Variants in PCDH9 observed in about 807,000 individuals in gnomAD.
The protein encoded by PCDH9 is protocadherin-9.
A neutral mutation model predicts 70.6 loss-of-function variants in PCDH9; 24 were observed. The observed-to-expected ratio is 0.34, with a 90% confidence interval of 0.25 to 0.48. PCDH9 has a LOEUF of 0.48. PCDH9 is among the 20% of genes least tolerant of loss of function. The pLI, the probability that PCDH9 is intolerant of heterozygous loss-of-function variation, is 0.99. For synonymous variants in PCDH9, 562 were observed against 558.5 expected, an observed-to-expected ratio of 1.01 and a Z score of -0.09; for missense variants, 1,281 against 1,503.6, an observed-to-expected ratio of 0.85 and a Z score of 2.45.
At position 67,225,832 on chromosome 13, in the gene PCDH9, T is replaced by C; in HGVS notation, c.2609A>G (p.Lys870Arg). The C allele has an allele frequency of 6.2e-7, 1 of 1,614,162 alleles. No individual in the cohort carries two copies. The highest frequency in any genetic ancestry group is 8.5e-7 in the Non-Finnish European group (1 of 1,180,040). Residue 870 changes from lysine to arginine, a missense_variant, in exon 2 of 5, where the codon AAA becomes AGA. Around this residue, in one of 4 missense-constraint regions of PCDH9, gnomAD observed 207 missense variants for 191.8 expected, o/e 1.08. Transcript: ENST00000377865. Reference protein sequence around the residue: ...NQENKQNKKKKRKKRKSPKSS... With the variant: ...NQENKQNKKKRRKKRKSPKSS... Reference sequence around the variant, plus strand: ...TTTGGGAGACTTCCTTTTCTTTCTTTTCTTTTTCTTGTTTTGCTTGTTCTC... The same window carrying C: ...TTTGGGAGACTTCCTTTTCTTTCTTCTCTTTTTCTTGTTTTGCTTGTTCTC...
At chr13:66,781,912 A>G (rs2080004705) in intron 3 of PCDH9, among the ~76,000 whole-genome samples, 1 of 152,098 alleles carries the variant, frequency 6.6e-6, no homozygotes, top group Non-Finnish European at 1.5e-5. Flanking sequence ...AGGCACTCTG[A>G]AAATCTGCCC....
chr13:66,419,653 A>G (rs1854002229), intron 4 of PCDH9, among the ~76,000 whole-genome samples: 1 of 152,080 alleles, frequency 6.6e-6, no homozygotes, highest in South Asian at 2.1e-4. Context: ...TGGTTTTTGC[A>G]ACCCATAGAC....
At chr13:66,687,618 T>C (rs1285096723) in intron 3 of PCDH9, among the ~76,000 whole-genome samples, 1 of 152,172 alleles carries the variant, frequency 6.6e-6, no homozygotes, top group Non-Finnish European at 1.5e-5. Context: ...TCTAAAACTT[T>C]AGTGCCTGCT....
chr13:66,355,760 C>G (rs1039431573), intron 4 of PCDH9, among the ~76,000 whole-genome samples: 2 of 152,124 alleles, frequency 1.3e-5, no homozygotes, highest in African/African-American at 4.8e-5. Context: ...TCACAGGGGC[C>G]TAACTTTGTA....
chr13:66,561,852 A>G (rs1962056186), intron 4 of PCDH9, among the ~76,000 whole-genome samples: 1 of 152,150 alleles, frequency 6.6e-6, no homozygotes. Flanking sequence ...CCGAGTCAGC[A>G]GTGGCAACCC....
chr13:66,975,872 AG>A (rs1222204590), intron 2 of PCDH9, among the ~76,000 whole-genome samples: 2 of 152,078 alleles, frequency 1.3e-5, no homozygotes, highest in African/African-American at 4.8e-5. Flanking sequence ...CCCCTCCAAG[AG>A]GAACTTTACA....
intron 3 of PCDH9, among the ~76,000 whole-genome samples, chr13:66,697,821 ATAC>A (rs1566512235): frequency 6.6e-6 from 1 of 152,226 alleles, no homozygotes; most frequent in Non-Finnish European, 1.5e-5. Context: ...AGCTATTTGT[ATAC>A]TACTGTTCAT....
At chr13:66,321,930 C>T (rs777393070) in intron 4 of PCDH9, among the ~76,000 whole-genome samples, 1 of 151,744 alleles carries the variant, frequency 6.6e-6, no homozygotes, top group Non-Finnish European at 1.5e-5. Context: ...TGCCAATGGA[C>T]TAGAATATTC....
rs199791250 is a variant in PCDH9, at chr13:66,932,659, C to CATATATATATATATATATAT, written c.3037-29074_3037-29055dup. ...CTAGGCTTAAATGTGTAAATCCTCA[C>CATATATATATATATATATAT]ATATATATATATATATATATATACA... On this transcript the variant is annotated intron_variant, in intron 2 of 4. Transcript: ENST00000377865. 6.6e-3 allele frequency among the ~76,000 whole-genome samples: 864 copies of CATATATATATATATATATAT among 130,074 alleles called. 5 individuals carry two copies. Among genetic ancestry groups the CATATATATATATATATATAT allele is most frequent in the African/African-American group, 0.01 (320 of 30,996 alleles). The allele number at this position is 130,074 out of a possible 152,430, so 85.3% of individuals were successfully genotyped here.
intron 2 of PCDH9, among the ~76,000 whole-genome samples, chr13:67,197,864 T>G (rs1040883680): frequency 1.3e-5 from 2 of 151,872 alleles, no homozygotes; most frequent in Non-Finnish European, 2.9e-5. Flanking sequence ...ATGTATCAAT[T>G]AATATTGATG....
At chr13:66,352,387 C>A (rs952670985) in intron 4 of PCDH9, among the ~76,000 whole-genome samples, 1 of 152,082 alleles carries the variant, frequency 6.6e-6, no homozygotes, top group Non-Finnish European at 1.5e-5. Context: ...AACAAAATGC[C>A]ACCAACTGAG....
intron 2 of PCDH9, chr13:67,215,008 G>A (rs2089569179): frequency 7.8e-6 from 1 of 128,996 alleles, no homozygotes; most frequent in Non-Finnish European, 1.6e-5. Context: ...TATGGATTTG[G>A]CATGATTACA....
chr13:66,456,868 A>G (rs1052908989), intron 4 of PCDH9, among the ~76,000 whole-genome samples: 1 of 152,146 alleles, frequency 6.6e-6, no homozygotes, highest in African/African-American at 2.4e-5. Context: ...ACACATGTGT[A>G]CTGCCATGGG....
intron 3 of PCDH9, among the ~76,000 whole-genome samples, chr13:66,750,680 A>C (rs759647015): frequency 2.7e-4 from 41 of 152,312 alleles, no homozygotes; most frequent in Non-Finnish European, 5.3e-4. Context: ...AAATCTGCTT[A>C]AATTAACCCC....
At chr13:66,373,923 A>G (rs888315185) in intron 4 of PCDH9, among the ~76,000 whole-genome samples, 1 of 152,108 alleles carries the variant, frequency 6.6e-6, no homozygotes, top group South Asian at 2.1e-4. Flanking sequence ...ACCTGCTTAT[A>G]TCATAGGATT....
intron 3 of PCDH9, among the ~76,000 whole-genome samples, chr13:66,875,861 C>T (rs545982497): frequency 6.6e-6 from 1 of 152,224 alleles, no homozygotes; most frequent in East Asian, 1.9e-4. Context: ...TATATACTTG[C>T]CTTTTTCCCT....
chr13:66,908,014 A>G (rs1398808218), intron 2 of PCDH9, among the ~76,000 whole-genome samples: 1 of 152,238 alleles, frequency 6.6e-6, no homozygotes, highest in African/African-American at 2.4e-5. Context: ...GAAGAATTCT[A>G]AAACAGAACA....
At position 67,044,987 on chromosome 13, in the gene PCDH9, T is replaced by C. The variant is rs553248103; in HGVS notation, c.3037-141382A>G. 3.3e-5 allele frequency among the ~76,000 whole-genome samples: 5 copies of C among 152,262 alleles called. No individual in the cohort carries two copies. The East Asian group carries it at 9.7e-4, about 29-fold the overall frequency. ...AGGTGAAGCAGAGATTGCACAAACA[T>C]AGAAGACAGAAATGGAGCAAAGAAA... On this transcript the variant is annotated intron_variant, in intron 2 of 4. Coordinates refer to ENST00000377865, the MANE Select transcript of PCDH9 (RefSeq NM_203487.3).
rs185107834 is a variant in PCDH9 at position 66,620,595 on chromosome 13, T to G, written c.3340+10615A>C. ...TATTGATTCTTTATCCAAGGCTTAT[T>G]CTATGCTAAAACCCACTCTTTGTAT... On this transcript the variant is annotated intron_variant, in intron 4 of 4. Coordinates refer to ENST00000377865, the MANE Select transcript of PCDH9 (RefSeq NM_203487.3). Among the ~76,000 whole-genome samples the G allele has an allele frequency of 2.6e-5, 4 of 152,326 alleles. No homozygotes were observed. The East Asian group carries it at 7.7e-4, about 29-fold the overall frequency.
Sources: gnomAD v4.1 joint callset for allele counts (sites outside exome capture counted in the v4.1 genomes callset) on GRCh38, gnomAD v4.1.1 for gene constraint, gnomAD v4.1.1 regional missense constraint, MANE v1.5 for transcripts, NCBI Gene and HGNC (gene_info 2026-07-23, HGNC 2026-07-21) for gene names.